SLC7A1: variants seen among roughly 807,000 people sequenced by gnomAD.
SLC7A1 encodes high affinity cationic amino acid transporter 1.
Under a neutral mutation model 53.9 loss-of-function variants are expected in SLC7A1, and 10 were observed. The observed-to-expected ratio is 0.19, with a 90% CI of 0.11 to 0.31. The LOEUF (loss-of-function observed/expected upper bound fraction) is 0.31, where lower values mean the gene tolerates loss of function less well. Ranked by LOEUF, SLC7A1 falls within the 10% of genes least tolerant of loss-of-function variation. The pLI is 1.00. For missense variants in SLC7A1, 525 were observed against 827.2 expected, an observed-to-expected ratio of 0.63 and a Z score of 4.48; for synonymous variants, 342 against 338.7, an observed-to-expected ratio of 1.01 and a Z score of -0.11.
intron 1 of SLC7A1, among the ~76,000 whole-genome samples, chr13:29,594,456 CT>C (rs1872224935): frequency 6.6e-6 from 1 of 152,250 alleles, no homozygotes; most frequent in South Asian, 2.1e-4. Context: ...AACACAACTG[CT>C]GTCTGGTTCC....
intron 1 of SLC7A1, among the ~76,000 whole-genome samples, chr13:29,591,839 A>C (rs1028814245): frequency 6.6e-6 from 1 of 152,228 alleles, no homozygotes; most frequent in East Asian, 1.9e-4. Flanking sequence ...TGCCACGGTC[A>C]GAAATTTTTG....
At chr13:29,534,100 C>T (rs59807053) in intron 3 of SLC7A1, among the ~76,000 whole-genome samples, 4,692 of 152,246 alleles carry the variant, frequency 0.031, 247 homozygotes, top group African/African-American at 0.11. Flanking sequence ...TTATGGCAAA[C>T]GTGGCTCCCA....
chr13:29,516,471 G>C (rs184034722), intron 11 of SLC7A1, among the ~76,000 whole-genome samples: 57 of 152,312 alleles, frequency 3.7e-4, no homozygotes, highest in African/African-American at 1.3e-3. Context: ...GTGGGGATTT[G>C]ATTCTAAGCT....
At chr13:29,588,554 AG>A (rs1164185210) in intron 1 of SLC7A1, among the ~76,000 whole-genome samples, 1 of 145,826 alleles carries the variant, frequency 6.9e-6, no homozygotes, top group African/African-American at 2.6e-5. Flanking sequence ...CCCAGGCTGG[AG>A]TGCAGTGGTG....
chr13:29,585,676 T>A (rs914085011), intron 1 of SLC7A1, among the ~76,000 whole-genome samples: 5 of 152,158 alleles, frequency 3.3e-5, no homozygotes, highest in East Asian at 1.9e-4. Context: ...GCTTCCAGAA[T>A]CCTGTGCTAA....
At chr13:29,531,671 A>G (rs1869168412) in intron 4 of SLC7A1, among the ~76,000 whole-genome samples, 1 of 152,104 alleles carries the variant, frequency 6.6e-6, no homozygotes, top group South Asian at 2.1e-4. Flanking sequence ...TACCTCTACT[A>G]AAAATATAAA....
At chr13:29,585,573 G>A (rs536773845) in intron 1 of SLC7A1, among the ~76,000 whole-genome samples, 2 of 152,192 alleles carry the variant, frequency 1.3e-5, no homozygotes, top group Non-Finnish European at 2.9e-5. Context: ...TTTAAAAGCC[G>A]CCATCCTCGG....
chr13:29,524,647 C>T (rs1868801585), intron 5 of SLC7A1, among the ~76,000 whole-genome samples: 1 of 152,142 alleles, frequency 6.6e-6, no homozygotes, highest in Non-Finnish European at 1.5e-5. Flanking sequence ...AGTCCTACCC[C>T]GGGTCCCATA....
intron 5 of SLC7A1, among the ~76,000 whole-genome samples, chr13:29,530,110 A>G (rs1226568415): frequency 6.6e-6 from 1 of 152,194 alleles, no homozygotes; most frequent in Admixed American, 6.5e-5. Context: ...TTCCCTCTAC[A>G]TTATTAATCT....
chr13:29,578,148 C>T (rs1467681569), intron 1 of SLC7A1, among the ~76,000 whole-genome samples: 1 of 152,084 alleles, frequency 6.6e-6, no homozygotes, highest in African/African-American at 2.4e-5. Flanking sequence ...TTAGGAAGTC[C>T]TTGCCATCCC....
At chr13:29,581,350 C>T (rs1871636809) in intron 1 of SLC7A1, among the ~76,000 whole-genome samples, 1 of 152,150 alleles carries the variant, frequency 6.6e-6, no homozygotes, top group African/African-American at 2.4e-5. Flanking sequence ...ACTTTGCTCT[C>T]TTCTTCCTTA....
Position 29,595,497 on chromosome 13 carries a change from C to A in SLC7A1, c.-196G>T, listed in dbSNP as rs533397262. The A allele has an allele frequency of 8.3e-6, 1 of 119,838 alleles. No homozygotes were observed. Among genetic ancestry groups the A allele is most frequent in the East Asian group, 2.7e-4 (1 of 3,686 alleles). 7.4% of individuals were successfully genotyped at this position (119,838 alleles called of 1,614,324 possible). Reference sequence around the variant, plus strand: ...GCTCAAGGACCAACGGACGCTCGGCCGGCGAGACCGGGCGGGGCGGGGCGG... The same window carrying A: ...GCTCAAGGACCAACGGACGCTCGGCAGGCGAGACCGGGCGGGGCGGGGCGG... On this transcript the variant is annotated 5_prime_UTR_variant, in exon 1 of 13. Coordinates refer to ENST00000380752, the MANE Select transcript of SLC7A1 (RefSeq NM_003045.5).
chr13:29,574,622 C>T (rs1333243901), intron 1 of SLC7A1, among the ~76,000 whole-genome samples: 1 of 150,810 alleles, frequency 6.6e-6, no homozygotes. Flanking sequence ...CATTTCGTAG[C>T]ACTCACTGGA....
chr13:29,539,087 A>G (rs1869550437), intron 2 of SLC7A1, among the ~76,000 whole-genome samples: 3 of 152,202 alleles, frequency 2.0e-5, no homozygotes. Context: ...CTCACAGGAT[A>G]ACATAACCTA....
At chr13:29,542,140 T>G (rs1252406398) in intron 2 of SLC7A1, among the ~76,000 whole-genome samples, 1 of 152,178 alleles carries the variant, frequency 6.6e-6, no homozygotes, top group Non-Finnish European at 1.5e-5. Context: ...TACCTTTCAC[T>G]GTGCAAAGCG....
chr13:29,523,975 G>A (rs1338729515), intron 6 of SLC7A1, among the ~76,000 whole-genome samples, 157 bp downstream of exon 6: 1 of 152,176 alleles, frequency 6.6e-6, no homozygotes, highest in Admixed American at 6.5e-5. Context: ...TAATGGTTTG[G>A]GGGTGGGAGG....
intron 1 of SLC7A1, among the ~76,000 whole-genome samples, chr13:29,573,439 C>A (rs530140696): frequency 5.9e-5 from 9 of 152,154 alleles, no homozygotes; most frequent in Admixed American, 3.3e-4. Context: ...GGAAGTAGCA[C>A]ACAGATGATG....
intron 2 of SLC7A1, among the ~76,000 whole-genome samples, chr13:29,546,363 A>T (rs940772074): frequency 6.6e-6 from 1 of 152,226 alleles, no homozygotes; most frequent in Non-Finnish European, 1.5e-5. Flanking sequence ...GTTTTAAACA[A>T]AGTTCCCCCA....
At chr13:29,583,284 C>A (rs1871731263) in intron 1 of SLC7A1, among the ~76,000 whole-genome samples, 1 of 152,236 alleles carries the variant, frequency 6.6e-6, no homozygotes, top group Non-Finnish European at 1.5e-5. Flanking sequence ...GTTTGAGTCA[C>A]TGCTCATTTG....
Sources: allele counts gnomAD v4.1 joint callset (sites outside exome capture counted in the v4.1 genomes callset), GRCh38; gene constraint gnomAD v4.1.1; transcripts MANE v1.5; gene names NCBI Gene and HGNC (gene_info 2026-07-23, HGNC 2026-07-21).